Variants in APBA1 observed in about 807,000 individuals in gnomAD.
APBA1 encodes the protein amyloid-beta A4 precursor protein-binding family A member 1.
APBA1 carries 55 observed loss-of-function variants against 86.6 expected under a neutral mutation model. The observed-to-expected ratio is 0.64, with a 90% CI of 0.51 to 0.80. APBA1 has a LOEUF of 0.80. Ranked by LOEUF, APBA1 falls within the 30% of genes least tolerant of loss-of-function variation. The pLI is 0.00. For synonymous variants in APBA1, 511 were observed against 493.9 expected (o/e 1.03, Z -0.46); for missense variants, 1,090 against 1,183.0 (o/e 0.92, Z 1.15).
chr9:69,487,012 T>C (rs933046358), intron 2 of APBA1, among the ~76,000 whole-genome samples: 8 of 151,870 alleles, frequency 5.3e-5, no homozygotes, highest in African/African-American at 1.9e-4. Context: ...CCCTTGGAGA[T>C]CTGCAGAAAG....
intron 1 of APBA1, among the ~76,000 whole-genome samples, chr9:69,555,630 A>C (rs1836848872): frequency 6.6e-6 from 1 of 152,228 alleles, no homozygotes; most frequent in South Asian, 2.1e-4. Context: ...ATATAAAAAA[A>C]GTTTTATCAA....
chr9:69,662,486 G>A (rs1823771965), intron 1 of APBA1, among the ~76,000 whole-genome samples: 1 of 152,076 alleles, frequency 6.6e-6, no homozygotes, highest in Admixed American at 6.6e-5. Flanking sequence ...CATAAGATTA[G>A]GTTAAGCTTT....
chr9:69,667,081 A>C (rs1350475868), intron 1 of APBA1, among the ~76,000 whole-genome samples: 1 of 152,354 alleles, frequency 6.6e-6, no homozygotes, highest in African/African-American at 2.4e-5. Context: ...TCCTTTAAAA[A>C]AACACTTACA....
At chr9:69,547,158 C>T (rs1168134409) in intron 1 of APBA1, among the ~76,000 whole-genome samples, 1 of 152,208 alleles carries the variant, frequency 6.6e-6, no homozygotes, top group African/African-American at 2.4e-5. Flanking sequence ...CCCCTCTTCT[C>T]TCACGCCCTC....
intron 8 of APBA1, 134 bp from the exon 9 acceptor site, chr9:69,452,435 T>C (rs1360927877): frequency 1.3e-6 from 1 of 789,504 alleles, no homozygotes; most frequent in Non-Finnish European, 2.0e-6. Context: ...GCTGGGCCAG[T>C]GGTTCTACGT....
At chr9:69,483,054 G>T (rs1386258417) in intron 2 of APBA1, among the ~76,000 whole-genome samples, 1 of 147,698 alleles carries the variant, frequency 6.8e-6, no homozygotes, top group South Asian at 2.1e-4. Context: ...CACCAGCATG[G>T]CACATGTATA....
chr9:69,538,632 G>A (rs530518233), intron 1 of APBA1, among the ~76,000 whole-genome samples: 1 of 152,306 alleles, frequency 6.6e-6, no homozygotes, highest in Non-Finnish European at 1.5e-5. Context: ...CAAGTTTGCT[G>A]AATGATGAGT....
At chr9:69,450,552 C>A (rs1297026280) in intron 9 of APBA1, among the ~76,000 whole-genome samples, 2 of 152,148 alleles carry the variant, frequency 1.3e-5, no homozygotes, top group Non-Finnish European at 2.9e-5. Context: ...GTCTGCTTCC[C>A]CCAGCTGCTG....
chr9:69,552,270 C>G (rs919919568), intron 1 of APBA1, among the ~76,000 whole-genome samples: 1 of 152,222 alleles, frequency 6.6e-6, no homozygotes, highest in East Asian at 1.9e-4. Context: ...TAGGCTGAGC[C>G]TAGATATGTC....
intron 10 of APBA1, 136 bp from the exon 11 acceptor site, chr9:69,441,251 C>CAG: frequency 1.9e-6 from 2 of 1,050,428 alleles, no homozygotes; most frequent in Non-Finnish European, 2.7e-6. Context: ...CTGCAGGCCT[C>CAG]TGGTGCCTGG....
chr9:69,566,702 C>G (rs1837032189), intron 1 of APBA1, among the ~76,000 whole-genome samples: 1 of 152,256 alleles, frequency 6.6e-6, no homozygotes, highest in Middle Eastern at 3.4e-3. Flanking sequence ...CTCCTCAGAG[C>G]CTTTGCACCT....
At chr9:69,665,337 A>C (rs2134029988) in intron 1 of APBA1, among the ~76,000 whole-genome samples, 1 of 152,120 alleles carries the variant, frequency 6.6e-6, no homozygotes, top group South Asian at 2.1e-4. Flanking sequence ...GTGCTTCTTG[A>C]GGTTGTCTCT....
In APBA1 at chr9:69,467,955, G is replaced by A. The variant is rs532592904; in HGVS notation, c.1350C>T (p.Cys450=). 7.6e-5 allele frequency: 122 copies of A among 1,614,060 alleles called. No homozygotes were observed. Among genetic ancestry groups the A allele is most frequent in the Non-Finnish European group, 9.2e-5 (109 of 1,180,002 alleles). ...FPTYVEVPGP[C]DPEDLIDGII... ...TTCCATCGATCAAGTCTTCGGGGTC[G>A]CAGGGTCCCGGAACTGTAACACATA... The change falls in exon 5 of 13, where the codon TGC becomes TGT. Residue 450 remains cysteine (C), a synonymous_variant. Transcript: ENST00000265381.
chr9:69,665,092 G>C (rs1461566963), intron 1 of APBA1, among the ~76,000 whole-genome samples: 1 of 152,164 alleles, frequency 6.6e-6, no homozygotes, highest in Non-Finnish European at 1.5e-5. Context: ...TGGTGTCTCT[G>C]GAGCTTGCTC....
chr9:69,548,960 C>T (rs889172922), intron 1 of APBA1, among the ~76,000 whole-genome samples: 4 of 152,168 alleles, frequency 2.6e-5, no homozygotes, highest in African/African-American at 9.7e-5. Context: ...CTGAAATGCC[C>T]GGGGTGGTGG....
chr9:69,538,929 T>C lies in APBA1; in HGVS notation c.-69-21650A>G, dbSNP rs936729718. Among the ~76,000 whole-genome samples the C allele has an allele frequency of 7.2e-5, 11 of 152,218 alleles. 1 individual carries two copies. Among genetic ancestry groups the C allele is most frequent in the Admixed American group, 7.2e-4 (11 of 15,288 alleles). ...TCTGGGTCACCAGTGAGTTCCATAT[T>C]GCAATATCTTGTAGTCATTTTACTT... On this transcript the variant is annotated intron_variant, in intron 1 of 12. Coordinates refer to ENST00000265381, the MANE Select transcript of APBA1 (RefSeq NM_001163.4).
At position 69,431,032 on chromosome 9, in the gene APBA1, C is replaced by G. The variant is rs1360157663; in HGVS notation, c.*295G>C. 1.3e-5 allele frequency: 4 copies of G among 314,908 alleles called. No individual in the cohort carries two copies. Among genetic ancestry groups the G allele is most frequent in the African/African-American group, 8.6e-5 (4 of 46,710 alleles). 19.5% of individuals were successfully genotyped at this position (314,908 alleles called of 1,614,324 possible). On this transcript the variant is annotated 3_prime_UTR_variant, in exon 13 of 13. Transcript: ENST00000265381. The stretch of plus-strand genomic sequence containing the variant: ...TTCTCCCTCAAGCAGTGACAGCCCA[C>G]CCCCTGGACACACCCAGAAAGCCCT...
chr9:69,474,902 T>G (rs1018092826), intron 3 of APBA1, among the ~76,000 whole-genome samples: 10 of 152,242 alleles, frequency 6.6e-5, no homozygotes, highest in African/African-American at 2.2e-4. Context: ...GATTTCTTTT[T>G]CATTGCATTT....
intron 1 of APBA1, among the ~76,000 whole-genome samples, chr9:69,585,736 T>C (rs780579003): frequency 3.3e-5 from 5 of 152,204 alleles, no homozygotes; most frequent in Non-Finnish European, 2.9e-5. Flanking sequence ...ATAAGACTTA[T>C]ATCCTAAGCA....
Sources: gnomAD v4.1 joint callset for allele counts (sites outside exome capture counted in the v4.1 genomes callset) on GRCh38, gnomAD v4.1.1 for gene constraint, MANE v1.5 for transcripts, NCBI Gene and HGNC (gene_info 2026-07-23, HGNC 2026-07-21) for gene names.